GBP7: variants seen among roughly 807,000 people sequenced by gnomAD.
GBP7 encodes guanylate binding protein 7.
In GBP7, 43 loss-of-function variants were observed where a neutral mutation model predicts 61.3. That is an observed-to-expected ratio of 0.70 (90% CI 0.55 to 0.91). The LOEUF is 0.91. Ranked by LOEUF, GBP7 falls within the 40% of genes least tolerant of loss-of-function variation. The pLI is 0.00. For missense variants in GBP7, 717 were observed against 740.5 expected (o/e 0.97, Z 0.37); for synonymous variants, 267 against 271.0 (o/e 0.99, Z 0.14).
intron 9 of GBP7, among the ~76,000 whole-genome samples, chr1:89,137,464 A>T (rs182943568): frequency 6.6e-6 from 1 of 152,188 alleles, no homozygotes; most frequent in Non-Finnish European, 1.5e-5. Flanking sequence ...ACCACTGTCA[A>T]TTAGGCTTTA....
chr1:89,134,014 T>G (rs567459327), intron 9 of GBP7, among the ~76,000 whole-genome samples: 79 of 152,334 alleles, frequency 5.2e-4, no homozygotes, highest in African/African-American at 1.6e-3. Flanking sequence ...CTATCTTGCC[T>G]GTGGGACAGA....
Position 89,152,298 on chromosome 1 carries a change from A to G in GBP7, c.595T>C (p.Tyr199His), listed in dbSNP as rs750413268. ...LDGHPITEDE[Y>H]LENALKLISG... Reference sequence around the variant, plus strand: ...ATCAGCTTCAAGGCATTCTCCAGGTACTCATCTTCTGTGATGGGGTGTCCA... The same window carrying G: ...ATCAGCTTCAAGGCATTCTCCAGGTGCTCATCTTCTGTGATGGGGTGTCCA... The change falls in exon 5 of 11, where the codon TAC becomes CAC. Residue 199 changes from tyrosine to histidine, a missense_variant. Tyr to His is a moderately conservative substitution (Grantham distance 83, BLOSUM62 2). Coordinates refer to ENST00000294671, the MANE Select transcript of GBP7 (RefSeq NM_207398.3). 4 of 1,614,120 alleles carry G rather than the reference A, an allele frequency of 2.5e-6. No homozygotes were observed. Among genetic ancestry groups the G allele is most frequent in the Middle Eastern group, 1.6e-4 (1 of 6,062 alleles).
chr1:89,165,780 TA>T (rs1185612063), intron 2 of GBP7, among the ~76,000 whole-genome samples: 1 of 150,032 alleles, frequency 6.7e-6, no homozygotes, highest in African/African-American at 2.5e-5. Flanking sequence ...GGGTGGGGGC[TA>T]GGGGAGGGAT....
In GBP7 at chr1:89,152,676, C is replaced by T; in HGVS notation, c.420G>A (p.Glu140=). Residue 140 remains glutamate (E), a synonymous_variant, in exon 4 of 11, where the codon GAG becomes GAA. Coordinates refer to ENST00000294671, the MANE Select transcript of GBP7 (RefSeq NM_207398.3). ...SMGTINHQAL[E]QLHYVTELTE... ...ACTTCCTGGAAGGATACTGCAGCTG[C>T]TCCAGGGCCTGGTGGTTGATGGTGC... The T allele has an allele frequency of 6.2e-7, 1 of 1,612,410 alleles. No homozygotes were observed. Among genetic ancestry groups the T allele is most frequent in the Non-Finnish European group, 8.5e-7 (1 of 1,179,806 alleles).
At position 89,132,146 on chromosome 1, in the gene GBP7, A is replaced by G. The variant is rs371142885; in HGVS notation, c.*3T>C. The G allele has an allele frequency of 4.8e-5, 76 of 1,597,508 alleles. 1 individual carries two copies. The highest frequency in any genetic ancestry group is 1.8e-4 in the Middle Eastern group (1 of 5,632). On this transcript the variant is annotated 3_prime_UTR_variant, in exon 11 of 11. Coordinates refer to ENST00000294671, the MANE Select transcript of GBP7 (RefSeq NM_207398.3). ...GCGTTATACCATTTTAACAAAAGAAACCTCAGCTTATAATTTTCTTACCAG... is the reference window on the plus strand; with the variant it reads ...GCGTTATACCATTTTAACAAAAGAAGCCTCAGCTTATAATTTTCTTACCAG...
intron 1 of GBP7, among the ~76,000 whole-genome samples, chr1:89,173,826 T>A (rs756561586): frequency 3.9e-5 from 6 of 152,190 alleles, no homozygotes; most frequent in Non-Finnish European, 7.3e-5. Flanking sequence ...TTTCAAAAAG[T>A]TACAGTCAGA....
chr1:89,153,245 A>G (rs981840467), intron 3 of GBP7, among the ~76,000 whole-genome samples: 2 of 152,210 alleles, frequency 1.3e-5, no homozygotes, highest in Non-Finnish European at 2.9e-5. Context: ...TCATTCACTT[A>G]TTAATTCATT....
chr1:89,133,495 G>A, intron 9 of GBP7, 44 bp from the exon 10 acceptor site: 1 of 1,545,288 alleles, frequency 6.5e-7, no homozygotes, highest in Non-Finnish European at 8.9e-7. Flanking sequence ...TAACAGTCAG[G>A]TGGGAGAAGA....
intron 1 of GBP7, among the ~76,000 whole-genome samples, chr1:89,174,385 T>C (rs939910196): frequency 2.0e-5 from 3 of 152,174 alleles, no homozygotes; most frequent in Non-Finnish European, 4.4e-5. Context: ...TTGTATGTCA[T>C]TTTCTAGAAA....
chr1:89,137,283 A>G (rs1221291581), intron 9 of GBP7, among the ~76,000 whole-genome samples: 1 of 152,148 alleles, frequency 6.6e-6, no homozygotes, highest in Non-Finnish European at 1.5e-5. Flanking sequence ...GGGAGCAGGG[A>G]ATCTTTCCTA....
At position 89,132,080 on chromosome 1, in the gene GBP7, A is replaced by G. The variant is rs1293754898; in HGVS notation, c.*69T>C. ...CTTTTTAATTTTAAACTTTTCTTAA[A>G]TGAAACTGCAATAACACATATACTT... On this transcript the variant is annotated 3_prime_UTR_variant, in exon 11 of 11. Coordinates refer to ENST00000294671, the MANE Select transcript of GBP7 (RefSeq NM_207398.3). 8 of 1,290,656 alleles carry G rather than the reference A, an allele frequency of 6.2e-6. No individual in the cohort carries two copies. Among genetic ancestry groups the G allele is most frequent in the Middle Eastern group, 2.8e-4 (1 of 3,550 alleles). 80.0% of individuals were successfully genotyped at this position (1,290,656 alleles called of 1,614,324 possible). A position where few individuals can be genotyped will look rare whatever the true frequency, so the allele number is the denominator to read the frequency against.
intron 3 of GBP7, among the ~76,000 whole-genome samples, chr1:89,159,518 A>G (rs2100654255): frequency 6.6e-6 from 1 of 152,114 alleles, no homozygotes; most frequent in Non-Finnish European, 1.5e-5. Flanking sequence ...GTTACAAGAA[A>G]AAAATCAAAC....
chr1:89,148,436 T>C (rs1327888874), intron 7 of GBP7, among the ~76,000 whole-genome samples: 1 of 152,162 alleles, frequency 6.6e-6, no homozygotes, highest in Non-Finnish European at 1.5e-5. Context: ...TATGATGGAG[T>C]GTACTCCAGT....
chr1:89,132,082 G>T lies in GBP7; in HGVS notation c.*67C>A. 2 of 1,289,018 alleles carry T rather than the reference G, an allele frequency of 1.6e-6. No individual in the cohort carries two copies. The highest frequency in any genetic ancestry group is 2.1e-6 in the Non-Finnish European group (2 of 951,674). The allele number at this position is 1,289,018 out of a possible 1,614,324, so 79.8% of individuals were successfully genotyped here. A position where few individuals can be genotyped will look rare whatever the true frequency, so the allele number is the denominator to read the frequency against. ...TTTTAATTTTAAACTTTTCTTAAAT[G>T]AAACTGCAATAACACATATACTTTT... On this transcript the variant is annotated 3_prime_UTR_variant, in exon 11 of 11. Coordinates refer to ENST00000294671, the MANE Select transcript of GBP7 (RefSeq NM_207398.3).
At chr1:89,140,545 A>T (rs1681915424) in intron 9 of GBP7, among the ~76,000 whole-genome samples, 1 of 152,158 alleles carries the variant, frequency 6.6e-6, no homozygotes, top group African/African-American at 2.4e-5. Flanking sequence ...AAGTAAAAAA[A>T]TAACAGATGC....
At chr1:89,172,308 A>G (rs947905710) in intron 1 of GBP7, among the ~76,000 whole-genome samples, 1 of 152,124 alleles carries the variant, frequency 6.6e-6, no homozygotes, top group African/African-American at 2.4e-5. Flanking sequence ...ACATTTCACC[A>G]TTTTCCCACT....
intron 3 of GBP7, 126 bp downstream of exon 3, chr1:89,164,605 T>C (rs528842921): frequency 1.9e-4 from 176 of 943,724 alleles, no homozygotes; most frequent in Non-Finnish European, 2.6e-4. Context: ...AAATGAAATT[T>C]AGCTTTGTTT....
chr1:89,157,932 C>A (rs1032588724), intron 3 of GBP7, among the ~76,000 whole-genome samples: 2 of 152,172 alleles, frequency 1.3e-5, no homozygotes, highest in African/African-American at 4.8e-5. Context: ...AGACAAATAT[C>A]CCTGATGAAC....
At chr1:89,148,905 C>T (rs1159881529) in intron 7 of GBP7, among the ~76,000 whole-genome samples, 1 of 152,074 alleles carries the variant, frequency 6.6e-6, no homozygotes, top group Non-Finnish European at 1.5e-5. Context: ...ATAATCTGTA[C>T]AAGAATTCTG....
Sources: gnomAD v4.1 joint callset for allele counts (sites outside exome capture counted in the v4.1 genomes callset) on GRCh38, gnomAD v4.1.1 for gene constraint, MANE v1.5 for transcripts, NCBI Gene and HGNC (gene_info 2026-07-23, HGNC 2026-07-21) for gene names.